The following THSD7B variants were observed in gnomAD, a reference collection of about 807,000 sequenced individuals.
The protein encoded by THSD7B is thrombospondin type-1 domain-containing protein 7B.
Under a neutral mutation model 213.6 loss-of-function variants are expected in THSD7B, and 138 were observed. The ratio of observed to expected loss-of-function variants is 0.65; its 90% CI spans 0.56 to 0.74. The LOEUF is 0.74. Among genes scored for constraint, THSD7B ranks in the 30% least tolerant of loss-of-function variants. The pLI is 0.00. For missense variants in THSD7B, 1,931 were observed against 1,991.5 expected, an observed-to-expected ratio of 0.97 and a Z score of 0.58; for synonymous variants, 742 against 687.0, an observed-to-expected ratio of 1.08 and a Z score of -1.25.
At chr2:137,392,436 G>A (rs1252179639) in intron 12 of THSD7B, among the ~76,000 whole-genome samples, 3 of 151,916 alleles carry the variant, frequency 2.0e-5, no homozygotes, top group African/African-American at 7.3e-5. Context: ...TTCCGGTGTT[G>A]GGTACATATA....
At chr2:136,871,394 C>G (rs765607621) in intron 1 of THSD7B, among the ~76,000 whole-genome samples, 2 of 152,042 alleles carry the variant, frequency 1.3e-5, no homozygotes, top group Non-Finnish European at 2.9e-5. Flanking sequence ...CCACACCCAT[C>G]TAGAGGTTAA....
chr2:137,410,462 T>G (rs572298870), intron 13 of THSD7B, among the ~76,000 whole-genome samples: 1 of 152,156 alleles, frequency 6.6e-6, no homozygotes, highest in African/African-American at 2.4e-5. Flanking sequence ...AGAGATGGGG[T>G]TTCACTATGT....
chr2:137,480,025 TGCAATGGGAAGCTATCTAG>T lies in THSD7B; in HGVS notation c.3138+29006_3138+29024del, dbSNP rs1445732458. Among the ~76,000 whole-genome samples, 3 of 152,336 alleles carry T rather than the reference TGCAATGGGAAGCTATCTAG, an allele frequency of 2.0e-5. No homozygotes were observed. In the East Asian group the frequency reaches 5.8e-4, roughly 29 times the overall value. The stretch of plus-strand genomic sequence containing the variant: ...TTGGGTCTTTCATTTACCCTTTTCC[TGCAATGGGAAGCTATCTAG>T]GCACCCAACGAAGTTTGGCTGAGCA... On this transcript the variant is annotated intron_variant, in intron 15 of 27. Coordinates refer to ENST00000409968, the MANE Select transcript of THSD7B (RefSeq NM_001316349.2).
chr2:137,332,481 T>A (rs1229895517), intron 12 of THSD7B, among the ~76,000 whole-genome samples: 1 of 152,166 alleles, frequency 6.6e-6, no homozygotes, highest in Non-Finnish European at 1.5e-5. Context: ...AAGGATTTGC[T>A]TTGTCTTAGA....
intron 12 of THSD7B, among the ~76,000 whole-genome samples, chr2:137,384,225 C>T (rs1371113096): frequency 6.6e-6 from 1 of 152,296 alleles, no homozygotes; most frequent in East Asian, 1.9e-4. Context: ...TACCTCTGGA[C>T]ACAAGCCAGT....
chr2:137,350,741 T>C (rs562704891), intron 12 of THSD7B, among the ~76,000 whole-genome samples: 49 of 151,792 alleles, frequency 3.2e-4, no homozygotes, highest in African/African-American at 1.2e-3. Flanking sequence ...GATCGTAGCT[T>C]TGATTATCAG....
intron 7 of THSD7B, among the ~76,000 whole-genome samples, chr2:137,206,132 G>A (rs1680979521): frequency 6.6e-6 from 1 of 151,386 alleles, no homozygotes; most frequent in African/African-American, 2.4e-5. Flanking sequence ...CAGAGTATTT[G>A]ATTTTTAGTG....
chr2:136,788,042 G>C (rs1305814919), intron 1 of THSD7B, among the ~76,000 whole-genome samples: 1 of 152,184 alleles, frequency 6.6e-6, no homozygotes, highest in African/African-American at 2.4e-5. Flanking sequence ...GGAGAAATGA[G>C]ATATGTGAGT....
intron 1 of THSD7B, among the ~76,000 whole-genome samples, chr2:136,804,378 C>A (rs1000684224): frequency 6.7e-6 from 1 of 149,248 alleles, no homozygotes; most frequent in Non-Finnish European, 1.5e-5. Context: ...AGTGAATGTA[C>A]TGGAACTCAC....
At chr2:137,576,805 C>T (rs1483436790) in intron 17 of THSD7B, among the ~76,000 whole-genome samples, 2 of 144,460 alleles carry the variant, frequency 1.4e-5, no homozygotes, top group Admixed American at 1.4e-4. Context: ...ACCCCCCCCC[C>T]TTTTTTTAAT....
rs116339565 is a variant in THSD7B at position 136,776,903 on chromosome 2, T to C, written c.-36+11216T>C. ...AACCAGAAAGAAAACATACAGATAT[T>C]TGAATGATAGGAAAATGATTCTAAG... On this transcript the variant is annotated intron_variant, in intron 1 of 27. Coordinates refer to ENST00000409968, the MANE Select transcript of THSD7B (RefSeq NM_001316349.2). Among the ~76,000 whole-genome samples the C allele has an allele frequency of 2.7e-3, 418 of 152,108 alleles. 2 individuals are homozygous for C. The highest frequency in any genetic ancestry group is 9.3e-3 in the African/African-American group (387 of 41,506).
intron 12 of THSD7B, among the ~76,000 whole-genome samples, chr2:137,279,296 A>G (rs2104815221): frequency 6.6e-6 from 1 of 152,168 alleles, no homozygotes; most frequent in Admixed American, 6.5e-5. Flanking sequence ...AGCACTTTGG[A>G]AGGCTGAGGT....
intron 9 of THSD7B, among the ~76,000 whole-genome samples, chr2:137,239,299 C>A (rs12998496): frequency 0.046 from 7,000 of 152,248 alleles, 201 homozygotes; most frequent in Admixed American, 0.068. Context: ...CACTTTTTAA[C>A]AGTTGCTGAA....
chr2:137,564,288 C>G (rs544349656), intron 16 of THSD7B, among the ~76,000 whole-genome samples: 12 of 152,230 alleles, frequency 7.9e-5, no homozygotes, highest in African/African-American at 2.6e-4. Flanking sequence ...GTGAAACGTA[C>G]TTTATTCATT....
In THSD7B at chr2:136,882,184, T is replaced by C; in HGVS notation, c.6T>C (p.Phe2=). 1 of 1,508,612 alleles carries C rather than the reference T, an allele frequency of 6.6e-7. No homozygotes were observed. Among genetic ancestry groups the C allele is most frequent in the Non-Finnish European group, 8.9e-7 (1 of 1,129,566 alleles). 93.5% of individuals were successfully genotyped at this position (1,508,612 alleles called of 1,614,324 possible). ...GAGGCTGAAAAATCTGAAGCATGTT[T>C]CCAAAGAGCAACCTAACAGTCACTT... M[F]PKSNLTVTCW... Residue 2 remains phenylalanine (F), a synonymous_variant, in exon 2 of 28, where the codon TTT becomes TTC. Transcript: ENST00000409968.
At chr2:137,567,492 TAG>T (rs1681263658) in intron 16 of THSD7B, among the ~76,000 whole-genome samples, 2 of 152,094 alleles carry the variant, frequency 1.3e-5, no homozygotes, top group African/African-American at 4.8e-5. Flanking sequence ...GAGTGTAGTG[TAG>T]AACAGCAAGG....
At chr2:137,664,312 T>TAAAG (rs1683407511) in intron 26 of THSD7B, among the ~76,000 whole-genome samples, 1 of 152,154 alleles carries the variant, frequency 6.6e-6, no homozygotes, top group Non-Finnish European at 1.5e-5. Flanking sequence ...AGTGAAAAGG[T>TAAAG]AAAGAGTATC....
chr2:137,598,087 T>C (rs1246909997), intron 17 of THSD7B, among the ~76,000 whole-genome samples: 1 of 152,144 alleles, frequency 6.6e-6, no homozygotes, highest in Non-Finnish European at 1.5e-5. Context: ...TCTTTCTTTT[T>C]TTCTGTCTTT....
chr2:137,620,814 T>G, intron 20 of THSD7B, 88 bp downstream of exon 20: 3 of 1,152,372 alleles, frequency 2.6e-6, no homozygotes, highest in Non-Finnish European at 3.8e-6. Context: ...GCATAAGGTA[T>G]GGGACCCAGC....
Sources: allele counts gnomAD v4.1 joint callset (sites outside exome capture counted in the v4.1 genomes callset), GRCh38; gene constraint gnomAD v4.1.1; transcripts MANE v1.5; gene names NCBI Gene and HGNC (gene_info 2026-07-23, HGNC 2026-07-21).